PIGN: variants seen among roughly 807,000 people sequenced by gnomAD.
PIGN encodes the protein GPI ethanolamine phosphate transferase 1.
PIGN carries 117 observed loss-of-function variants against 125.4 expected under a neutral mutation model. The observed-to-expected ratio is 0.93, with a 90% CI of 0.80 to 1.09. PIGN has a LOEUF of 1.09. Among genes scored for constraint, PIGN ranks in the 50% least tolerant of loss-of-function variants. PIGN has a pLI of 0.00. For missense variants in PIGN, 1,075 were observed against 1,094.9 expected, an observed-to-expected ratio of 0.98 and a Z score of 0.26; for synonymous variants, 392 against 377.8, an observed-to-expected ratio of 1.04 and a Z score of -0.44.
At chr18:62,098,715 A>G (rs900435640) in intron 22 of PIGN, among the ~76,000 whole-genome samples, 1 of 152,128 alleles carries the variant, frequency 6.6e-6, no homozygotes, top group Non-Finnish European at 1.5e-5. Flanking sequence ...CCTATGAGTT[A>G]ACAATTTCAT....
chr18:62,138,399 C>A, intron 13 of PIGN, 101 bp from the exon 14 acceptor site: 1 of 1,395,610 alleles, frequency 7.2e-7, no homozygotes, highest in Non-Finnish European at 9.5e-7. Flanking sequence ...TGGTTAACCA[C>A]TTTGAAAATA....
chr18:62,184,634 G>A (rs2037832825), intron 1 of PIGN: 1 of 152,138 alleles, frequency 6.6e-6, no homozygotes, highest in Non-Finnish European at 1.5e-5. Context: ...TGTATGGGAA[G>A]AATTCCTCTA....
rs531326409 is a variant in PIGN at position 62,075,680 on chromosome 18, A to AT, written c.2577-860dup. On this transcript the variant is annotated intron_variant, in intron 28 of 30. Coordinates refer to ENST00000640252, the MANE Select transcript of PIGN (RefSeq NM_176787.5). ...AAGCTTTTATAAACATTTGTGTCTAATTTTTTGTGTAAACCTTTCATTTCT... is the reference window on the plus strand; with the variant it reads ...AAGCTTTTATAAACATTTGTGTCTAATTTTTTTGTGTAAACCTTTCATTTCT... 2.0e-4 allele frequency: 31 copies of AT among 152,240 alleles called. 1 individual carries two copies. Among genetic ancestry groups the AT allele is most frequent in the African/African-American group, 6.0e-4 (25 of 41,532 alleles). 9.4% of individuals were successfully genotyped at this position (152,240 alleles called of 1,614,324 possible).
At chr18:62,095,983 A>AT (rs1343667095) in intron 22 of PIGN, 33 bp from the exon 23 acceptor site, 1 of 1,402,242 alleles carries the variant, frequency 7.1e-7, no homozygotes, top group Non-Finnish European at 1.0e-6. Context: ...ATCTGTCAGT[A>AT]TAAGAGACAC....
At chr18:62,116,676 GATA>G (rs2035097488) in intron 14 of PIGN, among the ~76,000 whole-genome samples, 1 of 152,172 alleles carries the variant, frequency 6.6e-6, no homozygotes, top group Non-Finnish European at 1.5e-5. Context: ...TGTGGGCCAA[GATA>G]ATGTCTTATA....
chr18:62,146,872 C>T (rs1599629476), intron 9 of PIGN, 99 bp downstream of exon 9: 6 of 1,218,950 alleles, frequency 4.9e-6, no homozygotes, highest in South Asian at 1.5e-5. Context: ...ATTTTGTATA[C>T]AGCAAGACAT....
chr18:62,127,025 G>A (rs17715489), intron 14 of PIGN, among the ~76,000 whole-genome samples: 13,255 of 152,054 alleles, frequency 0.087, 709 homozygotes, highest in South Asian at 0.19. Flanking sequence ...ATTTCTCAAG[G>A]AGGACACTGG....
intron 1 of PIGN, among the ~76,000 whole-genome samples, chr18:62,175,603 T>A (rs575837689): frequency 1.3e-5 from 2 of 152,222 alleles, no homozygotes; most frequent in East Asian, 3.9e-4. Context: ...CATCCCACCT[T>A]GGGCTCCCAA....
chr18:62,135,310 T>C (rs1481674311), intron 14 of PIGN, among the ~76,000 whole-genome samples: 1 of 152,124 alleles, frequency 6.6e-6, no homozygotes, highest in African/African-American at 2.4e-5. Flanking sequence ...TTATCTTAGA[T>C]TTTTTTGACC....
At chr18:62,108,535 G>C (rs995680842) in intron 17 of PIGN, among the ~76,000 whole-genome samples, 2 of 151,810 alleles carry the variant, frequency 1.3e-5, no homozygotes, top group Admixed American at 1.3e-4. Flanking sequence ...GTGTCTTTTT[G>C]CCTTATAGTT....
chr18:62,021,981 CTAT>C (rs1004612132), intron 23 of PIGN, among the ~76,000 whole-genome samples: 9 of 151,940 alleles, frequency 5.9e-5, no homozygotes, highest in African/African-American at 1.7e-4. Flanking sequence ...TTAGTAGTAG[CTAT>C]TATTATTATT....
chr18:62,102,259 C>T (rs930431149), intron 21 of PIGN, among the ~76,000 whole-genome samples: 3 of 147,682 alleles, frequency 2.0e-5, no homozygotes, highest in Non-Finnish European at 3.0e-5. Context: ...AAAAAAACCA[C>T]ACAAACTGAA....
At chr18:62,048,650 C>T (rs750907241) in intron 30 of PIGN, among the ~76,000 whole-genome samples, 2 of 149,696 alleles carry the variant, frequency 1.3e-5, no homozygotes, top group African/African-American at 4.9e-5. Flanking sequence ...GAATTTATTG[C>T]CTGCAGACCT....
chr18:62,074,913 AGTATTGTTG>A, intron 28 of PIGN, 92 bp from the exon 29 acceptor site: 1 of 799,050 alleles, frequency 1.3e-6, no homozygotes, highest in Non-Finnish European at 2.1e-6. Context: ...CAAATAACCT[AGTATTGTTG>A]GTATTTTTGC....
intron 22 of PIGN, among the ~76,000 whole-genome samples, chr18:62,098,992 T>TTTGACAGAATCTTC (rs147505372): frequency 6.6e-6 from 1 of 151,922 alleles, no homozygotes; most frequent in African/African-American, 2.4e-5. Flanking sequence ...CAACATAAGA[T>TTTGACAGAATCTTC]TTGACAGAAT....
intron 25 of PIGN, chr18:62,088,311 C>G (rs147027557): frequency 6.5e-6 from 1 of 153,310 alleles, no homozygotes; most frequent in East Asian, 1.9e-4. Context: ...CACAACATTG[C>G]CTCTGATGTG....
chr18:62,067,633 T>C (rs1437364008), intron 30 of PIGN, among the ~76,000 whole-genome samples: 3 of 152,214 alleles, frequency 2.0e-5, no homozygotes, highest in African/African-American at 4.8e-5. Context: ...TAGTCATCCA[T>C]GTAGTTGAGT....
exon 24 of PIGN, chr18:62,017,707 A>T (rs2029998219): frequency 2.0e-5 from 3 of 151,940 alleles, no homozygotes; most frequent in African/African-American, 7.3e-5. Flanking sequence ...CTACACCTCC[A>T]GGCAGTGCTT....
intron 30 of PIGN, among the ~76,000 whole-genome samples, chr18:62,049,178 T>A (rs1183543255): frequency 2.0e-5 from 3 of 152,106 alleles, no homozygotes; most frequent in South Asian, 4.1e-4. Flanking sequence ...TGCATGTGTC[T>A]TTATAGCAGC....
Sources: gnomAD v4.1 joint callset for allele counts (sites outside exome capture counted in the v4.1 genomes callset) on GRCh38, gnomAD v4.1.1 for gene constraint, MANE v1.5 for transcripts, NCBI Gene and HGNC (gene_info 2026-07-23, HGNC 2026-07-21) for gene names.